Variants in RUNX1T1 observed in about 807,000 individuals in gnomAD.
RUNX1T1 encodes the protein protein CBFA2T1.
RUNX1T1 carries 4 observed loss-of-function variants against 62.8 expected under a neutral mutation model. The observed-to-expected ratio is 0.06, with a 90% CI of 0.03 to 0.15. RUNX1T1 has a LOEUF of 0.15. RUNX1T1 is among the 10% of genes least tolerant of loss of function. RUNX1T1 has a pLI of 1.00. For synonymous variants in RUNX1T1, 291 were observed against 286.0 expected (o/e 1.02, Z -0.18); for missense variants, 508 against 754.3 (o/e 0.67, Z 3.82).
At chr8:91,956,970 TAAAAA>T (rs376835776), downstream of RUNX1T1, 3 of 104,372 alleles carry the variant, frequency 2.9e-5, no homozygotes, top group South Asian at 8.3e-4. Context: ...CACCTACACA[TAAAAA>T]AAAAAAAAAT....
At chr8:91,967,095 A>G (rs1218305267) in intron 10 of RUNX1T1, among the ~76,000 whole-genome samples, 3 of 152,206 alleles carry the variant, frequency 2.0e-5, no homozygotes, top group Non-Finnish European at 4.4e-5. Flanking sequence ...TAAAATGAGG[A>G]AAGTAACACT....
upstream of RUNX1T1, among the ~76,000 whole-genome samples, chr8:92,064,208 C>T (rs1350428616): frequency 6.6e-6 from 1 of 152,158 alleles, no homozygotes; most frequent in Non-Finnish European, 1.5e-5. Flanking sequence ...TAAACAGTGT[C>T]AATCAATAAG....
intron 4 of RUNX1T1, among the ~76,000 whole-genome samples, chr8:92,007,011 A>T (rs537981590): frequency 1.3e-5 from 2 of 152,148 alleles, no homozygotes; most frequent in Admixed American, 1.3e-4. Context: ...CTAAAATTAA[A>T]CTCTTTGTAA....
upstream of RUNX1T1, among the ~76,000 whole-genome samples, chr8:92,101,430 C>T (rs900825817): frequency 5.3e-5 from 8 of 152,304 alleles, no homozygotes; most frequent in African/African-American, 1.9e-4. Flanking sequence ...GCCTCGGGCA[C>T]TATTCTGCAG....
intron 1 of RUNX1T1, among the ~76,000 whole-genome samples, chr8:92,056,023 G>A (rs536836218): frequency 6.6e-6 from 1 of 152,210 alleles, no homozygotes; most frequent in East Asian, 1.9e-4. Flanking sequence ...ATCCTCATTA[G>A]GACATATTTA....
rs114088378 is a variant in RUNX1T1 at position 92,007,157 on chromosome 8, T to A, written c.478-1860A>T. On this transcript the variant is annotated intron_variant, in intron 4 of 10. Coordinates refer to ENST00000396218, the Ensembl canonical transcript of RUNX1T1. ...AATAACATTTCTATGTGAACATTTT[T>A]AAAGTTTTTAAAATTCATCCTGGGC... Among the ~76,000 whole-genome samples, 1,083 of 152,316 alleles carry A rather than the reference T, an allele frequency of 7.1e-3. 13 individuals are homozygous for A. The highest frequency in any genetic ancestry group is 0.024 in the African/African-American group (1,010 of 41,570).
intron 2 of RUNX1T1, among the ~76,000 whole-genome samples, chr8:92,068,916 G>C (rs1005986289): frequency 2.0e-5 from 3 of 152,028 alleles, no homozygotes; most frequent in Non-Finnish European, 4.4e-5. Context: ...TGATGAACTT[G>C]ATTATATTCA....
chr8:92,099,557 C>T (rs1837945341), intron 1 of RUNX1T1: 3 of 880,602 alleles, frequency 3.4e-6, no homozygotes. Flanking sequence ...AATAGCCTTT[C>T]TCACTGAACT....
intron 4 of RUNX1T1, among the ~76,000 whole-genome samples, chr8:92,008,388 TCACACACACACACACACACA>T (rs566293413): frequency 2.3e-5 from 3 of 131,898 alleles, no homozygotes; most frequent in East Asian, 4.4e-4. Context: ...TCTCTCTCTC[TCACACACACACACACACACA>T]CACACACACA....
chr8:92,057,643 G>C (rs922939635), intron 1 of RUNX1T1, among the ~76,000 whole-genome samples: 1 of 152,132 alleles, frequency 6.6e-6, no homozygotes, highest in African/African-American at 2.4e-5. Context: ...TCTATGGGTT[G>C]AAAAATATAA....
chr8:92,032,656 T>C lies in RUNX1T1; in HGVS notation c.8-15293A>G, dbSNP rs568470518. ...CAGGCCAGATGCAGTGGCTCAATTCTGTAAACCCAGTGCTCTGCACAGCTA... is the reference window on the plus strand; with the variant it reads ...CAGGCCAGATGCAGTGGCTCAATTCCGTAAACCCAGTGCTCTGCACAGCTA... On this transcript the variant is annotated intron_variant, in intron 1 of 10. Transcript: ENST00000396218. Among the ~76,000 whole-genome samples the C allele has an allele frequency of 2.3e-3, 357 of 152,318 alleles. 2 individuals are homozygous for C. The highest frequency in any genetic ancestry group is 0.013 in the South Asian group (64 of 4,828).
At chr8:91,960,082 A>C (rs1447026682) in exon 11 of RUNX1T1, 7 of 705,060 alleles carry the variant, frequency 9.9e-6, no homozygotes, top group Non-Finnish European at 1.6e-5. Flanking sequence ...TTTTACTACC[A>C]CCTCAAGATA....
intron 1 of RUNX1T1, chr8:92,095,693 A>C: frequency 2.3e-5 from 9 of 398,880 alleles, no homozygotes; most frequent in Non-Finnish European, 3.4e-5. Context: ...GGGATGGAGG[A>C]GGGGGCGGGG....
intron 4 of RUNX1T1, among the ~76,000 whole-genome samples, chr8:92,008,953 A>C (rs957130108): frequency 2.6e-5 from 4 of 152,204 alleles, no homozygotes; most frequent in Non-Finnish European, 5.9e-5. Flanking sequence ...TTCACTGAAG[A>C]AGTTTTCTTT....
upstream of RUNX1T1, among the ~76,000 whole-genome samples, chr8:92,102,247 G>C (rs1240516200): frequency 6.6e-6 from 1 of 152,140 alleles, no homozygotes; most frequent in South Asian, 2.1e-4. The surrounding 1 kb of genome is among the most constrained non-coding windows in gnomAD (Gnocchi z 4.5). Context: ...ACCCCAAACG[G>C]CCAGGAGTAA....
chr8:92,066,366 G>A (rs1832875708), upstream of RUNX1T1, among the ~76,000 whole-genome samples: 1 of 152,204 alleles, frequency 6.6e-6, no homozygotes, highest in Non-Finnish European at 1.5e-5. Context: ...TGACATATTG[G>A]AAAATAATGT....
chr8:92,008,384 T>TCC (rs1321986167), intron 4 of RUNX1T1, among the ~76,000 whole-genome samples: 2 of 72,984 alleles, frequency 2.7e-5, no homozygotes, highest in African/African-American at 1.3e-4. Context: ...TCTCTCTCTC[T>TCC]CTCTCACACA....
intron 8 of RUNX1T1, 197 bp from the exon 10 acceptor site, chr8:91,976,170 G>C: frequency 7.5e-6 from 4 of 534,834 alleles, no homozygotes; most frequent in Middle Eastern, 5.1e-4. Flanking sequence ...AAGGAAAACA[G>C]AGGGTCATTG....
intron 1 of RUNX1T1, among the ~76,000 whole-genome samples, chr8:92,048,976 G>A (rs1454559161): frequency 1.3e-5 from 2 of 152,168 alleles, no homozygotes; most frequent in Non-Finnish European, 1.5e-5. Context: ...CGTCACATGC[G>A]ACTCTGTATC....
Sources: gnomAD v4.1 joint callset for allele counts (sites outside exome capture counted in the v4.1 genomes callset) on GRCh38, gnomAD v4.1.1 for gene constraint, Gnocchi (gnomAD v3.1) non-coding constraint, MANE v1.5 for transcripts, NCBI Gene and HGNC (gene_info 2026-07-23, HGNC 2026-07-21) for gene names.